The following SCN11A variants were observed in gnomAD, a reference collection of about 807,000 sequenced individuals.
SCN11A encodes sodium voltage-gated channel alpha subunit 11, also known as sodium channel protein type 11 subunit alpha.
In SCN11A, 122 loss-of-function variants were observed where a neutral mutation model predicts 162.2. The ratio of observed to expected loss-of-function variants is 0.75; its 90% CI spans 0.65 to 0.87. The LOEUF (loss-of-function observed/expected upper bound fraction) is 0.87, where lower values mean the gene tolerates loss of function less well. SCN11A is among the 40% of genes least tolerant of loss of function. The pLI is 0.00. For missense variants in SCN11A, 2,015 were observed against 2,181.6 expected, an observed-to-expected ratio of 0.92 and a Z score of 1.52; for synonymous variants, 758 against 751.5, an observed-to-expected ratio of 1.01 and a Z score of -0.14.
intron 1 of SCN11A, among the ~76,000 whole-genome samples, chr3:39,046,278 C>A (rs1575373289): frequency 1.0e-5 from 1 of 100,246 alleles, no homozygotes; most frequent in African/African-American, 4.0e-5. Flanking sequence ...AGGACAGAAG[C>A]AAGGAAGGAA....
At chr3:38,859,024 G>A (rs2064919442) in intron 28 of SCN11A, among the ~76,000 whole-genome samples, 1 of 151,942 alleles carries the variant, frequency 6.6e-6, no homozygotes, top group South Asian at 2.1e-4. Context: ...AGCAAAAGTG[G>A]TGCTAAGAGG....
At chr3:38,866,044 G>A (rs2065034763) in intron 27 of SCN11A, among the ~76,000 whole-genome samples, 1 of 152,146 alleles carries the variant, frequency 6.6e-6, no homozygotes, top group Non-Finnish European at 1.5e-5. Context: ...AGGAATTTAT[G>A]CTGAAGAAAT....
At chr3:38,898,297 T>C (rs1340333231) in intron 17 of SCN11A, among the ~76,000 whole-genome samples, 2 of 152,186 alleles carry the variant, frequency 1.3e-5, no homozygotes, top group Non-Finnish European at 2.9e-5. Flanking sequence ...TCATATGAAG[T>C]TCAAGTTTCA....
At chr3:38,912,051 G>C (rs1209621600) in intron 11 of SCN11A, among the ~76,000 whole-genome samples, 5 of 152,182 alleles carry the variant, frequency 3.3e-5, no homozygotes, top group African/African-American at 1.2e-4. Flanking sequence ...GAATTTGTGA[G>C]TGGTAGGTTT....
chr3:38,888,879 C>G (rs983479501), intron 19 of SCN11A, among the ~76,000 whole-genome samples: 7 of 152,110 alleles, frequency 4.6e-5, no homozygotes, highest in Non-Finnish European at 1.0e-4. Flanking sequence ...AGATAGGGCT[C>G]CCTCTACCCT....
intron 1 of SCN11A, among the ~76,000 whole-genome samples, chr3:39,044,015 T>G (rs1400413774): frequency 6.6e-6 from 1 of 152,082 alleles, no homozygotes; most frequent in Non-Finnish European, 1.5e-5. Flanking sequence ...AAAAATAATT[T>G]TTTAAATGCC....
At chr3:38,885,491 T>A (rs77980083) in intron 20 of SCN11A, 89 bp from the exon 21 acceptor site, 5 of 748,138 alleles carry the variant, frequency 6.7e-6, no homozygotes, top group Middle Eastern at 2.5e-4. Context: ...TCTGATTTTT[T>A]AAGGATGAAA....
intron 2 of SCN11A, among the ~76,000 whole-genome samples, chr3:39,000,052 G>A (rs1248224489): frequency 3.3e-5 from 5 of 152,176 alleles, no homozygotes; most frequent in Non-Finnish European, 5.9e-5. Context: ...GCCCTAAAAT[G>A]TGGTCAACAC....
At chr3:39,028,557 A>G (rs994078584) in intron 2 of SCN11A, among the ~76,000 whole-genome samples, 3 of 152,190 alleles carry the variant, frequency 2.0e-5, no homozygotes, top group African/African-American at 7.2e-5. Context: ...TTCTGTTGTT[A>G]TAACAGAATG....
In SCN11A at chr3:39,049,910, T is replaced by C. The variant is rs77872643; in HGVS notation, c.-404+1951A>G. ...AGCCAAACTGAACATCAAAACATAC[T>C]GGTGAAAATTCTGCCCACTGAAAGA... On this transcript the variant is annotated intron_variant, in intron 1 of 29. Transcript: ENST00000302328. Among the ~76,000 whole-genome samples, 1,218 of 152,298 alleles carry C rather than the reference T, an allele frequency of 8.0e-3. 19 individuals carry two copies. Among genetic ancestry groups the C allele is most frequent in the African/African-American group, 0.028 (1,171 of 41,566 alleles).
Position 38,996,017 on chromosome 3 carries a change from G to A in SCN11A, c.-279-35594C>T, listed in dbSNP as rs575998573. ...TGAAGAGACACCAGAGCATGAGCGCGCGCTCTCTCTCTTTCTGTCTACTAT... is the reference window on the plus strand; with the variant it reads ...TGAAGAGACACCAGAGCATGAGCGCACGCTCTCTCTCTTTCTGTCTACTAT... On this transcript the variant is annotated intron_variant, in intron 2 of 29. Coordinates refer to ENST00000302328, the MANE Select transcript of SCN11A (RefSeq NM_001349253.2). Among the ~76,000 whole-genome samples the A allele has an allele frequency of 6.6e-5, 10 of 152,260 alleles. No homozygotes were observed. In the East Asian group the frequency reaches 9.7e-4, roughly 15 times the overall value.
rs928365651 is a variant in SCN11A at position 38,883,505 on chromosome 3, T to C, written c.3065-118A>G. ...GCCATGCGACCTGCAGTTGCTCCCA[T>C]TAAAGAAGTAGAGCATCTTTTTCTA... On this transcript the variant is annotated intron_variant, in intron 21 of 29. Coordinates refer to ENST00000302328, the MANE Select transcript of SCN11A (RefSeq NM_001349253.2). The C allele has an allele frequency of 1.0e-5, 9 of 885,640 alleles. No individual in the cohort carries two copies. The African/African-American group carries it at 1.3e-4, about 13-fold the overall frequency. 54.9% of individuals were successfully genotyped at this position (885,640 alleles called of 1,614,324 possible). A position where few individuals can be genotyped will look rare whatever the true frequency, so the allele number is the denominator to read the frequency against.
intron 11 of SCN11A, among the ~76,000 whole-genome samples, chr3:38,917,136 G>A (rs1469337109): frequency 6.6e-6 from 1 of 152,208 alleles, no homozygotes; most frequent in Non-Finnish European, 1.5e-5. Flanking sequence ...ACACCAGTCA[G>A]AATGGCTATT....
At chr3:38,906,936 C>T (rs968550930) in intron 14 of SCN11A, among the ~76,000 whole-genome samples, 43 of 152,218 alleles carry the variant, frequency 2.8e-4, no homozygotes, top group African/African-American at 5.8e-4. Context: ...TGCGTGCACG[C>T]GCATACACAC....
chr3:38,879,961 T>C lies in SCN11A; in HGVS notation c.3382A>G (p.Ile1128Val). 1.2e-6 allele frequency: 2 copies of C among 1,612,530 alleles called. No homozygotes were observed. Among genetic ancestry groups the C allele is most frequent in the Non-Finnish European group, 1.7e-6 (2 of 1,179,246 alleles). The change falls in exon 23 of 30, where the codon ATC becomes GTC. Residue 1128 changes from isoleucine (I) to valine (V), a missense_variant. Coordinates refer to ENST00000302328, the MANE Select transcript of SCN11A (RefSeq NM_001349253.2). ...FTSAWCCLDF[I>V]IVIVSVTTLI... ...GATGGTAAACTTACAATCACAATGA[T>C]GAAATCAAGGCAGCACCAGGCACTG...
chr3:38,916,093 A>G (rs911863046), intron 11 of SCN11A, among the ~76,000 whole-genome samples: 1 of 151,962 alleles, frequency 6.6e-6, no homozygotes, highest in Non-Finnish European at 1.5e-5. Flanking sequence ...TGTTGGTTTA[A>G]AGTCTGTTTT....
intron 27 of SCN11A, among the ~76,000 whole-genome samples, chr3:38,864,440 T>C (rs1056306366): frequency 2.0e-5 from 3 of 152,138 alleles, no homozygotes. Context: ...ATGTGTGTTG[T>C]GAGATAAAGA....
intron 1 of SCN11A, among the ~76,000 whole-genome samples, chr3:39,032,949 C>G (rs182647960): frequency 3.2e-4 from 48 of 152,144 alleles, no homozygotes; most frequent in Middle Eastern, 3.4e-3. Flanking sequence ...GTCAGGAGTT[C>G]GAGACCAGCC....
intron 2 of SCN11A, among the ~76,000 whole-genome samples, chr3:38,995,713 T>C (rs2030604457): frequency 6.6e-6 from 1 of 152,156 alleles, no homozygotes; most frequent in African/African-American, 2.4e-5. Flanking sequence ...ACACCACAGT[T>C]TTTCCTGGTT....
Sources: allele counts gnomAD v4.1 joint callset (sites outside exome capture counted in the v4.1 genomes callset), GRCh38; gene constraint gnomAD v4.1.1; transcripts MANE v1.5; gene names NCBI Gene and HGNC (gene_info 2026-07-23, HGNC 2026-07-21).